ERBB4: variants seen among roughly 807,000 people sequenced by gnomAD.
The protein encoded by ERBB4 is receptor tyrosine-protein kinase erbB-4.
Under a neutral mutation model 158.0 loss-of-function variants are expected in ERBB4, and 42 were observed. The observed-to-expected ratio is 0.27, with a 90% CI of 0.21 to 0.34. The LOEUF is 0.34. Among genes scored for constraint, ERBB4 ranks in the 10% least tolerant of loss-of-function variants. The pLI, the probability that ERBB4 is intolerant of heterozygous loss-of-function variation, is 1.00. For missense variants in ERBB4, 1,333 were observed against 1,624.1 expected, an observed-to-expected ratio of 0.82 and a Z score of 3.08; for synonymous variants, 583 against 558.7, an observed-to-expected ratio of 1.04 and a Z score of -0.61.
chr2:211,951,970 G>T (rs149562438), intron 2 of ERBB4, among the ~76,000 whole-genome samples: 4 of 151,592 alleles, frequency 2.6e-5, no homozygotes, highest in Non-Finnish European at 4.4e-5. Context: ...TAATTGTTAC[G>T]TCCCTTTCTC....
chr2:211,849,692 T>C (rs2077671359), intron 3 of ERBB4, among the ~76,000 whole-genome samples: 1 of 152,006 alleles, frequency 6.6e-6, no homozygotes, highest in Non-Finnish European at 1.5e-5. Context: ...CTTTTTACTA[T>C]TAATGTGAAA....
chr2:212,212,756 T>G (rs761484208), intron 1 of ERBB4, among the ~76,000 whole-genome samples: 4 of 152,090 alleles, frequency 2.6e-5, no homozygotes, highest in Admixed American at 6.6e-5. Context: ...ACCTCAGACA[T>G]AACACCACAC....
In ERBB4 at chr2:211,380,334, G is replaced by GCAAT. The variant is rs2062553800; in HGVS notation, c.*3277_*3280dup. 3 of 231,654 alleles carry GCAAT rather than the reference G, an allele frequency of 1.3e-5. No homozygotes were observed. Among genetic ancestry groups the GCAAT allele is most frequent in the South Asian group, 1.8e-4 (1 of 5,480 alleles). 14.3% of individuals were successfully genotyped at this position (231,654 alleles called of 1,614,324 possible). ...CTCACCTGTTTACCACTTTCTTTAG[G>GCAAT]CAATCATTTAACTGCAAAATTTTTC... On this transcript the variant is annotated 3_prime_UTR_variant, in exon 28 of 28. Coordinates refer to ENST00000342788, the MANE Select transcript of ERBB4 (RefSeq NM_005235.3).
chr2:211,861,350 G>GTTTTTTTTTTTTTTTTTTTTTTTTTT (rs67133944), intron 3 of ERBB4, among the ~76,000 whole-genome samples: 3 of 88,974 alleles, frequency 3.4e-5, no homozygotes, highest in East Asian at 3.6e-4. Flanking sequence ...TTTTTTTTTT[G>GTTTTTTTTTTTTTTTTTTTTTTTTTT]TTTTTTTTTT....
At chr2:211,684,999 T>G (rs2072505624) in intron 12 of ERBB4, among the ~76,000 whole-genome samples, 1 of 152,222 alleles carries the variant, frequency 6.6e-6, no homozygotes, top group African/African-American at 2.4e-5. Context: ...TATTTGTATA[T>G]TACTGTACAG....
At chr2:211,952,529 T>C (rs978081108) in intron 2 of ERBB4, among the ~76,000 whole-genome samples, 15 of 152,190 alleles carry the variant, frequency 9.9e-5, no homozygotes, top group Admixed American at 8.5e-4. Flanking sequence ...TCCACTGTTT[T>C]AGAAAATTTT....
rs780434807 is a variant in ERBB4 at position 212,336,656 on chromosome 2, T to G, written c.82+201793A>C. Among the ~76,000 whole-genome samples, 40 of 152,222 alleles carry G rather than the reference T, an allele frequency of 2.6e-4. 1 individual carries two copies. Among genetic ancestry groups the G allele is most frequent in the Middle Eastern group, 3.4e-3 (1 of 294 alleles). On this transcript the variant is annotated intron_variant, in intron 1 of 27. Coordinates refer to ENST00000342788, the MANE Select transcript of ERBB4 (RefSeq NM_005235.3). ...TGCACTGAACTCCCTGAACTGCCAG[T>G]GAAATGTTCTTTGCTTTTCTAAAAG...
chr2:212,351,476 C>T (rs1019831295), intron 1 of ERBB4, among the ~76,000 whole-genome samples: 1 of 152,132 alleles, frequency 6.6e-6, no homozygotes, highest in Admixed American at 6.6e-5. Context: ...TTGCTTCAAA[C>T]AGTGTGTCTT....
intron 2 of ERBB4, among the ~76,000 whole-genome samples, chr2:212,092,675 A>T (rs921256839): frequency 6.6e-6 from 1 of 152,200 alleles, no homozygotes; most frequent in Admixed American, 6.5e-5. Flanking sequence ...ATGGTTGAAT[A>T]CGTTGTATAT....
intron 19 of ERBB4, among the ~76,000 whole-genome samples, chr2:211,604,190 A>T (rs971677721): frequency 1.3e-5 from 2 of 152,212 alleles, no homozygotes; most frequent in African/African-American, 4.8e-5. Context: ...GTAAGGTGTT[A>T]TCGGTGCAAT....
intron 2 of ERBB4, among the ~76,000 whole-genome samples, chr2:212,052,336 T>C (rs1183495021): frequency 6.6e-6 from 1 of 152,192 alleles, no homozygotes; most frequent in Non-Finnish European, 1.5e-5. Context: ...TTGGCTTCCC[T>C]ACTTTTGAGA....
chr2:211,657,648 T>A, intron 16 of ERBB4, 106 bp downstream of exon 16: 1 of 868,898 alleles, frequency 1.2e-6, no homozygotes, highest in Non-Finnish European at 1.9e-6. Context: ...TTTGATATAT[T>A]ATGAGTTACA....
intron 1 of ERBB4, among the ~76,000 whole-genome samples, chr2:212,517,929 TG>T (rs1424206285): frequency 6.6e-6 from 1 of 152,086 alleles, no homozygotes; most frequent in Non-Finnish European, 1.5e-5. Context: ...TGCTGTACAC[TG>T]TATGAAATAA....
At chr2:211,977,645 T>C (rs188637759) in intron 2 of ERBB4, among the ~76,000 whole-genome samples, 30 of 150,714 alleles carry the variant, frequency 2.0e-4, no homozygotes, top group Admixed American at 1.9e-3. Context: ...GAGACCAGCC[T>C]GGCCAAAATG....
chr2:211,906,325 T>C (rs1429138801), intron 3 of ERBB4, among the ~76,000 whole-genome samples: 2 of 151,938 alleles, frequency 1.3e-5, no homozygotes. Context: ...AAAAGGAAAA[T>C]AATTCTAGAC....
At position 212,505,787 on chromosome 2, in the gene ERBB4, G is replaced by A. The variant is rs566838848; in HGVS notation, c.82+32662C>T. Among the ~76,000 whole-genome samples, 203 of 148,968 alleles carry A rather than the reference G, an allele frequency of 1.4e-3. 23 individuals carry two copies. The highest frequency in any genetic ancestry group is 3.4e-3 in the Middle Eastern group (1 of 292). Reference sequence around the variant, plus strand: ...GCTTATCTTGCTTGCTGCAACATGAGTAATAAAAGTCCTTTGTTTCTGACT... The same window carrying A: ...GCTTATCTTGCTTGCTGCAACATGAATAATAAAAGTCCTTTGTTTCTGACT... On this transcript the variant is annotated intron_variant, in intron 1 of 27. Transcript: ENST00000342788.
intron 3 of ERBB4, among the ~76,000 whole-genome samples, chr2:211,876,568 C>A (rs1242761103): frequency 1.3e-5 from 2 of 151,918 alleles, no homozygotes; most frequent in African/African-American, 4.8e-5. Flanking sequence ...GTGAGAAAAA[C>A]CAGTTATAAA....
rs1318107291 is a variant in ERBB4, at chr2:212,016,851, C to T, written c.235-69235G>A. Among the ~76,000 whole-genome samples, 5 of 152,086 alleles carry T rather than the reference C, an allele frequency of 3.3e-5. 1 individual carries two copies. The highest frequency in any genetic ancestry group is 4.2e-4 in the South Asian group (2 of 4,818). On this transcript the variant is annotated intron_variant, in intron 2 of 27. Transcript: ENST00000342788. ...ATCCATAAAATGGGCATAATATATA[C>T]ATTTGAGCATTATTTGGGGACTTAT...
intron 1 of ERBB4, among the ~76,000 whole-genome samples, chr2:212,530,462 TTTCAGTAAGAG>T (rs1309682238): frequency 6.6e-6 from 1 of 152,168 alleles, no homozygotes. Context: ...ATGACAAAGA[TTTCAGTAAGAG>T]TTTGCCTAGA....
Sources: gnomAD v4.1 joint callset for allele counts (sites outside exome capture counted in the v4.1 genomes callset) on GRCh38, gnomAD v4.1.1 for gene constraint, MANE v1.5 for transcripts, NCBI Gene and HGNC (gene_info 2026-07-23, HGNC 2026-07-21) for gene names.